CPAMD8: variants seen among roughly 807,000 people sequenced by gnomAD.
CPAMD8 encodes C3 and PZP-like alpha-2-macroglobulin domain-containing protein 8.
Under a neutral mutation model 224.7 loss-of-function variants are expected in CPAMD8, and 146 were observed. That is an observed-to-expected ratio of 0.65 (90% CI 0.57 to 0.75). The LOEUF (loss-of-function observed/expected upper bound fraction) is 0.75. CPAMD8 is among the 30% of genes least tolerant of loss of function. The pLI, the probability that CPAMD8 is intolerant of heterozygous loss-of-function variation, is 0.00. For synonymous variants in CPAMD8, 966 were observed against 1,044.6 expected (o/e 0.92, Z 1.45); for missense variants, 2,301 against 2,537.5 (o/e 0.91, Z 2.00).
At chr19:17,010,389 C>T (rs1289735167) in intron 5 of CPAMD8, among the ~76,000 whole-genome samples, 1 of 152,122 alleles carries the variant, frequency 6.6e-6, no homozygotes, top group Non-Finnish European at 1.5e-5. Flanking sequence ...CACATGCCAC[C>T]ATGCTCAACT....
chr19:17,015,970 C>G lies in CPAMD8; in HGVS notation c.268-4213G>C, dbSNP rs8106518. 6.3e-3 allele frequency among the ~76,000 whole-genome samples: 954 copies of G among 152,280 alleles called. 11 individuals are homozygous for G. Among genetic ancestry groups the G allele is most frequent in the African/African-American group, 0.022 (901 of 41,556 alleles). On this transcript the variant is annotated intron_variant, in intron 3 of 41. Transcript: ENST00000443236. Reference sequence around the variant, plus strand: ...CCTTCTTTCCGTGTTTAAAGACAGGCTCTTGCTCTGTTGCCCAGACTAGAG... The same window carrying G: ...CCTTCTTTCCGTGTTTAAAGACAGGGTCTTGCTCTGTTGCCCAGACTAGAG...
intron 22 of CPAMD8, among the ~76,000 whole-genome samples, chr19:16,942,475 A>G (rs538931831): frequency 1.5e-3 from 221 of 152,298 alleles, no homozygotes; most frequent in African/African-American, 4.9e-3. Context: ...AACTAGTAAT[A>G]ATATAAATAA....
intron 10 of CPAMD8, among the ~76,000 whole-genome samples, chr19:16,997,774 C>G (rs946114944): frequency 2.6e-5 from 4 of 152,012 alleles, no homozygotes; most frequent in African/African-American, 9.7e-5. Context: ...ATCGCTTGAA[C>G]CCAGGAGGCA....
At chr19:16,901,551 T>C (rs546509816) in intron 35 of CPAMD8, among the ~76,000 whole-genome samples, 2 of 152,288 alleles carry the variant, frequency 1.3e-5, no homozygotes, top group South Asian at 2.1e-4. Flanking sequence ...TGACTAAGCA[T>C]TGTGTTCTGT....
chr19:16,928,800 G>A, intron 24 of CPAMD8, 142 bp downstream of exon 24: 1 of 603,014 alleles, frequency 1.7e-6, no homozygotes. Context: ...AGCGACTCTA[G>A]ACTAAGAACA....
At chr19:16,970,432 CG>C (rs1568543260) in intron 18 of CPAMD8, among the ~76,000 whole-genome samples, 2 of 150,446 alleles carry the variant, frequency 1.3e-5, no homozygotes, top group African/African-American at 4.9e-5. Context: ...ACTAAAAATA[CG>C]AAAATTAGAC....
At chr19:16,920,181 G>A (rs1216638973) in intron 27 of CPAMD8, among the ~76,000 whole-genome samples, 1 of 152,318 alleles carries the variant, frequency 6.6e-6, no homozygotes. Flanking sequence ...CATGCACACA[G>A]TGAAATTTGA....
At chr19:17,002,201 G>A in intron 9 of CPAMD8, 65 bp downstream of exon 9, 2 of 1,074,956 alleles carry the variant, frequency 1.9e-6, no homozygotes, top group South Asian at 1.4e-5. Flanking sequence ...CCTTGAGGGA[G>A]CAGCGTGATG....
chr19:16,951,822 A>C, intron 20 of CPAMD8, 147 bp downstream of exon 20: 3 of 609,748 alleles, frequency 4.9e-6, no homozygotes. Context: ...GAGCCCACCC[A>C]TCCCTGCCTC....
At chr19:16,924,902 A>G (rs991269843) in intron 26 of CPAMD8, among the ~76,000 whole-genome samples, 10 of 152,000 alleles carry the variant, frequency 6.6e-5, no homozygotes, top group African/African-American at 2.4e-4. Flanking sequence ...TTATTTTCTA[A>G]ATGTTATTTT....
intron 22 of CPAMD8, among the ~76,000 whole-genome samples, chr19:16,942,120 G>A (rs567379149): frequency 1.3e-5 from 2 of 152,144 alleles, no homozygotes; most frequent in African/African-American, 4.8e-5. Flanking sequence ...CATGCTTCCT[G>A]TACAGCCTAC....
intron 29 of CPAMD8, among the ~76,000 whole-genome samples, chr19:16,911,964 C>A (rs1038483531): frequency 6.6e-6 from 1 of 152,162 alleles, no homozygotes; most frequent in African/African-American, 2.4e-5. Context: ...CAGGTGTGAA[C>A]CACTGCACCC....
At chr19:16,918,898 G>T (rs1025911555) in intron 27 of CPAMD8, among the ~76,000 whole-genome samples, 2 of 152,056 alleles carry the variant, frequency 1.3e-5, no homozygotes, top group African/African-American at 4.8e-5. Flanking sequence ...TGAGCATGAG[G>T]TTGGCACTAA....
chr19:16,947,706 G>A (rs928838297), intron 20 of CPAMD8, among the ~76,000 whole-genome samples: 1 of 10,454 alleles, frequency 9.6e-5, no homozygotes, highest in Non-Finnish European at 1.7e-4. Flanking sequence ...TGTGTGCTGT[G>A]AATGCATGTG....
chr19:16,902,592 C>G, intron 35 of CPAMD8, 57 bp downstream of exon 35: 1 of 1,113,748 alleles, frequency 9.0e-7, no homozygotes, highest in Non-Finnish European at 1.3e-6. Flanking sequence ...GGAGGCCATC[C>G]TCTCCGCACA....
chr19:16,963,575 C>T (rs866836293), intron 18 of CPAMD8, among the ~76,000 whole-genome samples: 2 of 152,300 alleles, frequency 1.3e-5, no homozygotes, highest in South Asian at 4.1e-4. Flanking sequence ...GAGACTTAGA[C>T]TCCCACACAA....
At chr19:16,982,730 TA>T (rs1178660999) in intron 13 of CPAMD8, among the ~76,000 whole-genome samples, 1 of 152,024 alleles carries the variant, frequency 6.6e-6, no homozygotes, top group African/African-American at 2.4e-5. Context: ...CCCAGCTATC[TA>T]GGGGGGCTGA....
chr19:16,940,577 T>C lies in CPAMD8; in HGVS notation c.2794-2131A>G, dbSNP rs368239205. Among the ~76,000 whole-genome samples the C allele has an allele frequency of 5.3e-4, 81 of 152,336 alleles. 1 individual carries two copies. In the Middle Eastern group the frequency reaches 0.01, roughly 19 times the overall value. On this transcript the variant is annotated intron_variant, in intron 22 of 41. Transcript: ENST00000443236. ...AGTTCTTGTTATATTTTCTCATCCT[T>C]ACCTACTTTCATTACAAAGCTCTCC...
chr19:16,942,789 T>C (rs2053944686), intron 22 of CPAMD8, among the ~76,000 whole-genome samples: 1 of 152,190 alleles, frequency 6.6e-6, no homozygotes, highest in South Asian at 2.1e-4. Context: ...TCCAACCTCC[T>C]TTGTCTCTGT....
Sources: allele counts gnomAD v4.1 joint callset (sites outside exome capture counted in the v4.1 genomes callset), GRCh38; gene constraint gnomAD v4.1.1; transcripts MANE v1.5; gene names NCBI Gene and HGNC (gene_info 2026-07-23, HGNC 2026-07-21).